Variants in NKAIN2 observed in about 807,000 individuals in gnomAD.
The protein encoded by NKAIN2 is sodium/potassium transporting ATPase interacting 2.
Under a neutral mutation model 32.6 loss-of-function variants are expected in NKAIN2, and 14 were observed. The ratio of observed to expected loss-of-function variants is 0.43; its 90% CI spans 0.28 to 0.67. The LOEUF (loss-of-function observed/expected upper bound fraction) is 0.67. NKAIN2 is among the 30% of genes least tolerant of loss of function. The pLI is 0.17. For missense variants in NKAIN2, 198 were observed against 258.3 expected (o/e 0.77, Z 1.60); for synonymous variants, 80 against 87.2 (o/e 0.92, Z 0.46).
chr6:124,522,904 G>A (rs1463739375), intron 3 of NKAIN2, among the ~76,000 whole-genome samples: 2 of 151,854 alleles, frequency 1.3e-5, no homozygotes, highest in Non-Finnish European at 2.9e-5. Context: ...AGCACTTTGG[G>A]AGGCCGAGGC....
At chr6:124,746,285 T>G (rs1777447315) in intron 4 of NKAIN2, among the ~76,000 whole-genome samples, 1 of 151,772 alleles carries the variant, frequency 6.6e-6, no homozygotes, top group African/African-American at 2.4e-5. Context: ...GAAAAGAAAA[T>G]TAGTGCTTTT....
rs369362233 is a variant in NKAIN2, at chr6:124,566,233, G to C, written c.274-91953G>C. Among the ~76,000 whole-genome samples the C allele has an allele frequency of 1.4e-3, 215 of 152,230 alleles. 6 individuals are homozygous for C. In the South Asian group the frequency reaches 0.044, roughly 31 times the overall value. On this transcript the variant is annotated intron_variant, in intron 3 of 6. Transcript: ENST00000368417. ...AAAGCGTTTTCTTATCTTTCTTTTA[G>C]CTCCACCATACCCCAACCACAAAAT...
At chr6:124,382,880 G>A (rs564689340) in intron 3 of NKAIN2, among the ~76,000 whole-genome samples, 20 of 152,072 alleles carry the variant, frequency 1.3e-4, no homozygotes, top group Admixed American at 7.2e-4. Context: ...AATTACATCC[G>A]TTACCATGGC....
intron 1 of NKAIN2, among the ~76,000 whole-genome samples, chr6:124,042,386 G>A (rs1781910171): frequency 6.6e-6 from 1 of 152,034 alleles, no homozygotes; most frequent in Non-Finnish European, 1.5e-5. Context: ...AGAGCACATG[G>A]CAACATAACC....
intron 1 of NKAIN2, chr6:123,823,502 G>T (rs1449322223): frequency 1.3e-5 from 2 of 152,138 alleles, no homozygotes; most frequent in African/African-American, 4.8e-5. Context: ...AGAGTGATAG[G>T]AACTTGTTTT....
intron 5 of NKAIN2, among the ~76,000 whole-genome samples, chr6:124,815,608 G>C (rs1446836341): frequency 6.6e-6 from 1 of 152,002 alleles, no homozygotes; most frequent in Non-Finnish European, 1.5e-5. Flanking sequence ...TAGAGTCACT[G>C]TGTAATTATT....
At chr6:124,675,255 T>A (rs1023795267) in intron 4 of NKAIN2, among the ~76,000 whole-genome samples, 29 of 152,058 alleles carry the variant, frequency 1.9e-4, no homozygotes, top group African/African-American at 6.8e-4. Flanking sequence ...TGTTGTTAAG[T>A]TTAGTTTGCT....
At chr6:124,318,172 C>T (rs1797038956) in intron 2 of NKAIN2, among the ~76,000 whole-genome samples, 1 of 151,988 alleles carries the variant, frequency 6.6e-6, no homozygotes, top group South Asian at 2.1e-4. Context: ...CAATACTTTA[C>T]TTCTTTTAAA....
chr6:124,360,564 A>G (rs954648878), intron 3 of NKAIN2, among the ~76,000 whole-genome samples: 3 of 152,164 alleles, frequency 2.0e-5, no homozygotes, highest in African/African-American at 7.2e-5. Flanking sequence ...TAAAATTTCC[A>G]TTAACATATT....
At chr6:124,808,820 C>A (rs1018104265) in intron 5 of NKAIN2, among the ~76,000 whole-genome samples, 1 of 152,152 alleles carries the variant, frequency 6.6e-6, no homozygotes, top group Non-Finnish European at 1.5e-5. Flanking sequence ...AAATCACAAG[C>A]ATTCTTATAC....
rs149443378 is a variant in NKAIN2 at position 124,430,599 on chromosome 6, G to T, written c.273+75252G>T. On this transcript the variant is annotated intron_variant, in intron 3 of 6. Transcript: ENST00000368417. ...CCATCTCTTTACAGTATCTCCATGT[G>T]GTTTCTCCAACATGGTAGCTTCAGA... is the stretch of plus-strand genomic sequence containing the variant. Among the ~76,000 whole-genome samples the T allele has an allele frequency of 1.8e-4, 27 of 152,034 alleles. 1 individual carries two copies. In the East Asian group the frequency reaches 5.2e-3, roughly 29 times the overall value.
intron 1 of NKAIN2, among the ~76,000 whole-genome samples, chr6:123,924,410 T>A (rs1330425920): frequency 6.6e-6 from 1 of 152,248 alleles, no homozygotes; most frequent in Admixed American, 6.5e-5. Flanking sequence ...TTAGCTATTC[T>A]AAACCTCAGT....
intron 3 of NKAIN2, among the ~76,000 whole-genome samples, chr6:124,632,725 T>TTAGAC (rs1462752674): frequency 2.6e-5 from 4 of 152,206 alleles, no homozygotes; most frequent in Admixed American, 2.6e-4. Flanking sequence ...AGTGTTTTAT[T>TTAGAC]TAGACTTAGA....
intron 2 of NKAIN2, among the ~76,000 whole-genome samples, chr6:124,346,471 G>A (rs962909015): frequency 4.5e-4 from 68 of 152,282 alleles, no homozygotes; most frequent in African/African-American, 1.6e-3. Flanking sequence ...GGGAGTCTAA[G>A]TCTCTTTGTA....
rs536338302 is a variant in NKAIN2, at chr6:124,060,126, G to A, written c.55-222879G>A. ...GTGCTCTCGAGAAATATCCCTGAAT[G>A]AGGAGTATGGTTAACTCCACTGCTG... On this transcript the variant is annotated intron_variant, in intron 1 of 6. Transcript: ENST00000368417. Among the ~76,000 whole-genome samples the A allele has an allele frequency of 2.0e-5, 3 of 152,232 alleles. No individual in the cohort carries two copies. In the East Asian group the frequency reaches 5.8e-4, roughly 30 times the overall value.
chr6:124,505,033 T>C (rs1412033666), intron 3 of NKAIN2, among the ~76,000 whole-genome samples: 6 of 152,206 alleles, frequency 3.9e-5, no homozygotes, highest in Admixed American at 2.0e-4. Flanking sequence ...TTATGATGTG[T>C]TGATCACAGA....
At chr6:124,033,246 G>C (rs1026057840) in intron 1 of NKAIN2, among the ~76,000 whole-genome samples, 15 of 152,120 alleles carry the variant, frequency 9.9e-5, no homozygotes, top group African/African-American at 3.6e-4. Context: ...TTAGTGTTCT[G>C]TTATGTAGAG....
At chr6:124,392,523 A>AGT (rs145701319) in intron 3 of NKAIN2, among the ~76,000 whole-genome samples, 1 of 151,944 alleles carries the variant, frequency 6.6e-6, no homozygotes, top group African/African-American at 2.4e-5. Context: ...CATAGTGAGA[A>AGT]GTGTGTGTGT....
chr6:124,312,394 A>G (rs990388455), intron 2 of NKAIN2, among the ~76,000 whole-genome samples: 3 of 152,196 alleles, frequency 2.0e-5, no homozygotes, highest in Non-Finnish European at 2.9e-5. Flanking sequence ...CACCAGTTGC[A>G]TGTCCAGGCC....
Sources: allele counts gnomAD v4.1 joint callset (sites outside exome capture counted in the v4.1 genomes callset), GRCh38; gene constraint gnomAD v4.1.1; transcripts MANE v1.5; gene names NCBI Gene and HGNC (gene_info 2026-07-23, HGNC 2026-07-21).